Variants in ANO2 observed in about 807,000 individuals in gnomAD.
The protein encoded by ANO2 is anoctamin-2.
ANO2 carries 101 observed loss-of-function variants against 124.2 expected under a neutral mutation model. That is an observed-to-expected ratio of 0.81 (90% CI 0.69 to 0.96). The LOEUF (loss-of-function observed/expected upper bound fraction) is 0.96, where lower values mean the gene tolerates loss of function less well. Ranked by LOEUF, ANO2 falls within the 40% of genes least tolerant of loss-of-function variation. The probability of loss-of-function intolerance (pLI) is 0.00; values close to 1 mark genes in which losing one functional copy is unlikely to be tolerated. For missense variants in ANO2, 1,293 were observed against 1,274.5 expected, an observed-to-expected ratio of 1.01 and a Z score of -0.22; for synonymous variants, 486 against 482.5, an observed-to-expected ratio of 1.01 and a Z score of -0.09.
intron 2 of ANO2, among the ~76,000 whole-genome samples, chr12:5,922,157 G>A (rs1003295479): frequency 1.3e-5 from 2 of 152,174 alleles, no homozygotes; most frequent in Non-Finnish European, 2.9e-5. Context: ...AAGAAGAGGA[G>A]GAGAGAGAAC....
chr12:5,589,931 A>G (rs948166678), intron 20 of ANO2, among the ~76,000 whole-genome samples: 2 of 152,108 alleles, frequency 1.3e-5, no homozygotes, highest in African/African-American at 2.4e-5. Context: ...GGGAACCCTG[A>G]TGGTTTTTGG....
chr12:5,611,594 T>C (rs971655997), intron 19 of ANO2, among the ~76,000 whole-genome samples: 4 of 152,206 alleles, frequency 2.6e-5, no homozygotes, highest in African/African-American at 9.6e-5. Context: ...GCCACTTTAT[T>C]CTGAAACAAA....
Position 5,612,946 on chromosome 12 carries a change from C to A in ANO2, c.1941G>T (p.Arg647Ser). ...VAFFKGRFVG[R>S]PGSYVYVFDG... ...CGAATACATAGACGTAGCTTCCAGG[C>A]CTGCCCACAAACCTGAAATCAAACA... The change falls in exon 18 of 25, where the codon AGG (arginine) becomes AGT (serine). Residue 647 changes from arginine (R) to serine (S), a missense_variant. Transcript: ENST00000682330. 1.9e-6 allele frequency: 3 copies of A among 1,613,870 alleles called. No individual in the cohort carries two copies.
chr12:5,863,856 T>C (rs1591712259), intron 3 of ANO2, among the ~76,000 whole-genome samples: 1 of 152,332 alleles, frequency 6.6e-6, no homozygotes, highest in African/African-American at 2.4e-5. Flanking sequence ...ATTATTTACT[T>C]AACAATATGT....
intron 8 of ANO2, among the ~76,000 whole-genome samples, 153 bp downstream of exon 8, chr12:5,807,160 A>G (rs1302760610): frequency 1.3e-5 from 2 of 152,196 alleles, no homozygotes; most frequent in South Asian, 2.1e-4. Context: ...TATTGTCAGC[A>G]ATGAGTGGTC....
chr12:5,923,041 T>TGCACGCACACACACCCAC (rs1565783196), intron 1 of ANO2, among the ~76,000 whole-genome samples: 9 of 113,972 alleles, frequency 7.9e-5, no homozygotes, highest in Non-Finnish European at 1.5e-4. Context: ...TACACACACA[T>TGCACGCACACACACCCAC]GCACGCACAC....
At position 5,876,205 on chromosome 12, in the gene ANO2, T is replaced by G. The variant is rs193034045; in HGVS notation, c.535-22064A>C. ...CATTATTTTAATTACTTCACCTGCC[T>G]TTTTGGAATAAGACAGTATTTCTCC... On this transcript the variant is annotated intron_variant, in intron 3 of 24. Coordinates refer to ENST00000682330, the MANE Select transcript of ANO2 (RefSeq NM_001364791.2). Among the ~76,000 whole-genome samples the G allele has an allele frequency of 7.9e-5, 12 of 152,316 alleles. No individual in the cohort carries two copies. The East Asian group carries it at 2.3e-3, about 29-fold the overall frequency.
intron 4 of ANO2, among the ~76,000 whole-genome samples, chr12:5,844,839 G>GTTTGTT (rs1555172473): frequency 8.0e-5 from 12 of 150,866 alleles, no homozygotes; most frequent in Non-Finnish European, 1.0e-4. Context: ...CAGTTTTTGT[G>GTTTGTT]TGTTTGTTTG....
chr12:5,924,177 A>G (rs1941968425), intron 1 of ANO2, among the ~76,000 whole-genome samples: 1 of 152,224 alleles, frequency 6.6e-6, no homozygotes, highest in African/African-American at 2.4e-5. Flanking sequence ...GTTGAAACAG[A>G]ACTCCCGGCC....
intron 3 of ANO2, among the ~76,000 whole-genome samples, chr12:5,894,615 T>C (rs777613258): frequency 3.3e-5 from 5 of 152,348 alleles, no homozygotes; most frequent in East Asian, 3.9e-4. Flanking sequence ...AGGGTTTTTA[T>C]AGTTTTAGAT....
rs1941668730 is a variant in ANO2, at chr12:5,921,081, T to G, written c.493A>C (p.Asn165His). The change falls in exon 3 of 25, where the codon AAT (asparagine) becomes CAT (histidine). Residue 165 changes from asparagine (N) to histidine (H), a missense_variant. Asn to His is a moderately conservative substitution (Grantham distance 68). Transcript: ENST00000682330. Reference protein sequence around the residue: ...RKEQREEFEHNLMEAGLELEK... With the variant: ...RKEQREEFEHHLMEAGLELEK... ...AGCTCCAGTCCAGCCTCCATCAGAT[T>G]GTGCTCAAATTCCTCCCGCTGCTCC... 1 of 1,613,216 alleles carries G rather than the reference T, an allele frequency of 6.2e-7. No individual in the cohort carries two copies. Among genetic ancestry groups the G allele is most frequent in the Non-Finnish European group, 8.5e-7 (1 of 1,179,454 alleles).
intron 13 of ANO2, among the ~76,000 whole-genome samples, chr12:5,733,817 TCCTC>T (rs1950744934): frequency 6.6e-6 from 1 of 152,238 alleles, no homozygotes. Flanking sequence ...AGGTGGGGTC[TCCTC>T]CCTCTCTGAA....
In ANO2 at chr12:5,623,340, G is replaced by A. The variant is rs186149952; in HGVS notation, c.1817-8043C>T. Reference sequence around the variant, plus strand: ...GGGAAGCACCCCAGGTTGATTAGAGGCCATCTGAAAGTTTCACCTGCTTCC... The same window carrying A: ...GGGAAGCACCCCAGGTTGATTAGAGACCATCTGAAAGTTTCACCTGCTTCC... On this transcript the variant is annotated intron_variant, in intron 16 of 24. Transcript: ENST00000682330. Among the ~76,000 whole-genome samples, 184 of 152,218 alleles carry A rather than the reference G, an allele frequency of 1.2e-3. 1 individual carries two copies. The highest frequency in any genetic ancestry group is 4.1e-3 in the African/African-American group (171 of 41,524).
At chr12:5,855,289 A>T (rs1382932972) in intron 3 of ANO2, among the ~76,000 whole-genome samples, 1 of 152,234 alleles carries the variant, frequency 6.6e-6, no homozygotes, top group African/African-American at 2.4e-5. Flanking sequence ...CAAATAGAAG[A>T]CTACGTCCCC....
intron 24 of ANO2, among the ~76,000 whole-genome samples, chr12:5,563,804 C>T (rs1344058538): frequency 5.3e-5 from 8 of 152,212 alleles, no homozygotes; most frequent in African/African-American, 1.2e-4. Context: ...GAGCATCTGC[C>T]GCAGTGCCTG....
chr12:5,796,185 ACACT>A (rs1406050324), intron 10 of ANO2, among the ~76,000 whole-genome samples: 3 of 151,260 alleles, frequency 2.0e-5, no homozygotes, highest in Admixed American at 6.6e-5. Context: ...ACTCATGCAC[ACACT>A]CTCTCACATA....
rs150745448 is a variant in ANO2, at chr12:5,687,398, C to T, written c.1546-39597G>A. On this transcript the variant is annotated intron_variant, in intron 14 of 24. Coordinates refer to ENST00000682330, the MANE Select transcript of ANO2 (RefSeq NM_001364791.2). ...CGAAGTGAAAGTGAGTGCAACTCCA[C>T]ACTGAGAAGACTTCCCTAAAGGGAG... Among the ~76,000 whole-genome samples, 252 of 152,368 alleles carry T rather than the reference C, an allele frequency of 1.7e-3. 3 individuals carry two copies. In the South Asian group the frequency reaches 0.025, roughly 15 times the overall value.
chr12:5,792,522 T>C (rs1952727911), intron 10 of ANO2, among the ~76,000 whole-genome samples: 1 of 152,228 alleles, frequency 6.6e-6, no homozygotes, highest in Non-Finnish European at 1.5e-5. Flanking sequence ...GATGCAATCC[T>C]AGCTTGGTTT....
intron 7 of ANO2, among the ~76,000 whole-genome samples, chr12:5,827,241 C>T (rs1170819763): frequency 2.6e-5 from 4 of 152,048 alleles, no homozygotes; most frequent in African/African-American, 9.7e-5. Flanking sequence ...AGAAACAAAC[C>T]ACAGGGCAAA....
Sources: gnomAD v4.1 joint callset for allele counts (sites outside exome capture counted in the v4.1 genomes callset) on GRCh38, gnomAD v4.1.1 for gene constraint, MANE v1.5 for transcripts, NCBI Gene and HGNC (gene_info 2026-07-23, HGNC 2026-07-21) for gene names.